PCDH15: variants seen among roughly 807,000 people sequenced by gnomAD.
PCDH15 encodes protocadherin related 15, also known as protocadherin-15.
In PCDH15, 129 loss-of-function variants were observed where a neutral mutation model predicts 178.5. The ratio of observed to expected loss-of-function variants is 0.72; its 90% CI spans 0.63 to 0.84. The LOEUF is 0.84. PCDH15 is among the 40% of genes least tolerant of loss of function. The probability of loss-of-function intolerance (pLI) is 0.00; values close to 1 mark genes in which losing one functional copy is unlikely to be tolerated. For synonymous variants in PCDH15, 800 were observed against 732.0 expected, an observed-to-expected ratio of 1.09 and a Z score of -1.50; for missense variants, 2,230 against 2,099.9, an observed-to-expected ratio of 1.06 and a Z score of -1.21.
At chr10:54,630,200 A>G (rs1229700443) in intron 2 of PCDH15, among the ~76,000 whole-genome samples, 1 of 152,198 alleles carries the variant, frequency 6.6e-6, no homozygotes, top group Non-Finnish European at 1.5e-5. Context: ...AAGAGCTTGA[A>G]TAGCTAAAGC....
chr10:55,229,010 A>T (rs1179280588), intron 1 of PCDH15, among the ~76,000 whole-genome samples: 2 of 151,946 alleles, frequency 1.3e-5, no homozygotes, highest in Non-Finnish European at 2.9e-5. Flanking sequence ...CCCAAATGGG[A>T]ATTAAGCAAT....
chr10:54,106,734 C>G (rs1000677955), intron 15 of PCDH15, among the ~76,000 whole-genome samples: 4 of 152,122 alleles, frequency 2.6e-5, no homozygotes, highest in Admixed American at 1.3e-4. Flanking sequence ...GTTGACAGTA[C>G]AACTAGTTAG....
chr10:55,369,716 T>A (rs1845454199), intron 2 of PCDH15, among the ~76,000 whole-genome samples: 1 of 152,074 alleles, frequency 6.6e-6, no homozygotes, highest in Non-Finnish European at 1.5e-5. Flanking sequence ...CACAGGCATG[T>A]GAGATCATAT....
intron 2 of PCDH15, among the ~76,000 whole-genome samples, chr10:55,593,791 T>C (rs12249550): frequency 0.33 from 49,405 of 151,528 alleles, 8,543 homozygotes; most frequent in East Asian, 0.49. Flanking sequence ...AATACTTTTC[T>C]AGGGATCCCT....
At chr10:54,065,041 C>T (rs1590203608) in intron 18 of PCDH15, among the ~76,000 whole-genome samples, 1 of 152,284 alleles carries the variant, frequency 6.6e-6, no homozygotes, top group East Asian at 1.9e-4. Context: ...TCCAGATGGG[C>T]CACTGCTGCC....
At chr10:54,431,612 AATAAAAGCTATAT>A (rs1301614516) in intron 3 of PCDH15, among the ~76,000 whole-genome samples, 1 of 152,328 alleles carries the variant, frequency 6.6e-6, no homozygotes, top group East Asian at 1.9e-4. Context: ...ACCTCAACAC[AATAAAAGCTATAT>A]ATAACAGACC....
chr10:54,734,695 C>T (rs1381043137), intron 1 of PCDH15, among the ~76,000 whole-genome samples: 2 of 151,856 alleles, frequency 1.3e-5, no homozygotes, highest in Non-Finnish European at 1.5e-5. Flanking sequence ...TCTGGTAATC[C>T]ATACAACAGA....
rs558537036 is a variant in PCDH15 at position 55,270,143 on chromosome 10, T to C, written c.-156+49456A>G. Among the ~76,000 whole-genome samples the C allele has an allele frequency of 5.3e-5, 8 of 152,140 alleles. No individual in the cohort carries two copies. The South Asian group carries it at 1.7e-3, about 32-fold the overall frequency. On this transcript the variant is annotated intron_variant, in intron 1 of 5. Transcript: ENST00000458638. Reference sequence around the variant, plus strand: ...TATACAAAAATTAACTCAAGATGAATAAAACATTTAAGTGCAAGGCCTCAA... The same window carrying C: ...TATACAAAAATTAACTCAAGATGAACAAAACATTTAAGTGCAAGGCCTCAA...
At position 53,804,275 on chromosome 10, in the gene PCDH15, T is replaced by A. The variant is rs1254901857; in HGVS notation, c.*2304A>T. 6.6e-6 allele frequency: 1 copy of A among 151,916 alleles called. No individual in the cohort carries two copies. Among genetic ancestry groups the A allele is most frequent in the Non-Finnish European group, 1.5e-5 (1 of 67,884 alleles). The allele number at this position is 151,916 out of a possible 1,614,324, so 9.4% of individuals were successfully genotyped here. ...TGTGTCTGCTAAGTGGCTTGTAAAA[T>A]TTTGCATATTTTCTCATAAAAAATG... is the stretch of plus-strand genomic sequence containing the variant. On this transcript the variant is annotated 3_prime_UTR_variant, in exon 38 of 38. Transcript: ENST00000644397.
intron 18 of PCDH15, among the ~76,000 whole-genome samples, chr10:54,035,541 T>C (rs868210161): frequency 6.6e-6 from 1 of 151,884 alleles, no homozygotes; most frequent in Non-Finnish European, 1.5e-5. Flanking sequence ...TATGTATACA[T>C]TTTTTTGACA....
At chr10:55,377,882 AAAT>A (rs1837437551) in intron 2 of PCDH15, among the ~76,000 whole-genome samples, 1 of 152,150 alleles carries the variant, frequency 6.6e-6, no homozygotes, top group Admixed American at 6.6e-5. Context: ...CAGCCATAAA[AAAT>A]AATGAGGTCA....
At chr10:54,552,226 T>C (rs533705461) in intron 2 of PCDH15, among the ~76,000 whole-genome samples, 3 of 152,152 alleles carry the variant, frequency 2.0e-5, no homozygotes, top group Non-Finnish European at 2.9e-5. Flanking sequence ...TCTGATTCTA[T>C]AGGACCACCC....
At chr10:55,244,151 A>G (rs773284165) in intron 1 of PCDH15, among the ~76,000 whole-genome samples, 1 of 152,058 alleles carries the variant, frequency 6.6e-6, no homozygotes, top group African/African-American at 2.4e-5. Context: ...GTGATGCACA[A>G]TCTCATAGTT....
At chr10:54,453,470 C>G (rs2076611880) in intron 3 of PCDH15, among the ~76,000 whole-genome samples, 1 of 151,582 alleles carries the variant, frequency 6.6e-6, no homozygotes, top group South Asian at 2.1e-4. Flanking sequence ...CACATGGACA[C>G]AGGAAGGGGA....
chr10:55,428,947 A>G (rs1019417508), intron 2 of PCDH15, among the ~76,000 whole-genome samples: 5 of 151,926 alleles, frequency 3.3e-5, no homozygotes, highest in Admixed American at 3.3e-4. Context: ...GTTTAAATTA[A>G]TGTGACATTC....
At chr10:54,160,681 T>C (rs975447088) in intron 13 of PCDH15, among the ~76,000 whole-genome samples, 1 of 152,186 alleles carries the variant, frequency 6.6e-6, no homozygotes, top group Non-Finnish European at 1.5e-5. Flanking sequence ...GTATTTATAA[T>C]TTATAGAGAA....
intron 2 of PCDH15, among the ~76,000 whole-genome samples, chr10:55,446,470 A>C (rs116548280): frequency 0.015 from 2,238 of 152,170 alleles, 60 homozygotes; most frequent in African/African-American, 0.051. Flanking sequence ...AGAGAAAGTC[A>C]AAGTGAATCT....
intron 20 of PCDH15, among the ~76,000 whole-genome samples, chr10:54,009,992 C>T (rs1279109541): frequency 2.0e-5 from 3 of 152,156 alleles, no homozygotes; most frequent in Non-Finnish European, 2.9e-5. Flanking sequence ...GCCAAATCCA[C>T]GAGGCTGAGC....
At chr10:54,819,398 T>G (rs1953001555) in intron 3 of PCDH15, among the ~76,000 whole-genome samples, 2 of 152,092 alleles carry the variant, frequency 1.3e-5, no homozygotes. Flanking sequence ...TTTTTCTGTT[T>G]TTACAAATAA....
Sources: allele counts gnomAD v4.1 joint callset (sites outside exome capture counted in the v4.1 genomes callset), GRCh38; gene constraint gnomAD v4.1.1; transcripts MANE v1.5; gene names NCBI Gene and HGNC (gene_info 2026-07-23, HGNC 2026-07-21).